Variants in KRT33A observed in about 807,000 individuals in gnomAD.
The protein encoded by KRT33A is keratin, type I cuticular Ha3-I.
Under a neutral mutation model 41.1 loss-of-function variants are expected in KRT33A, and 44 were observed. The observed-to-expected ratio is 1.07, with a 90% CI of 0.84 to 1.38. The LOEUF is 1.38. Among genes scored for constraint, KRT33A ranks in the 40% most tolerant of loss-of-function variants. KRT33A has a pLI of 0.00. For missense variants in KRT33A, 536 were observed against 518.5 expected, an observed-to-expected ratio of 1.03 and a Z score of -0.33; for synonymous variants, 229 against 227.8, an observed-to-expected ratio of 1.01 and a Z score of -0.05.
Position 41,350,556 on chromosome 17 carries a change from A to T in KRT33A, c.212T>A (p.Leu71Gln). 1 of 1,613,972 alleles carries T rather than the reference A, an allele frequency of 6.2e-7. No homozygotes were observed. The highest frequency in any genetic ancestry group is 1.1e-5 in the South Asian group (1 of 91,068). The change falls in exon 1 of 7, where the codon CTG becomes CAG. Residue 71 changes from leucine (L) to glutamine (Q), a missense_variant. Leu to Gln is a moderately radical substitution (Grantham distance 113). Coordinates refer to ENST00000007735, the MANE Select transcript of KRT33A (RefSeq NM_004138.4). ...QFLNDRLASY[L>Q]EKVRQLERDN... ...CCGCTCCAGCTGACGCACCTTCTCC[A>T]GGTAGCTGGCCAGGCGGTCGTTCAG...
At chr17:41,347,457 T>G (rs546684440) in intron 3 of KRT33A, among the ~76,000 whole-genome samples, 1 of 152,354 alleles carries the variant, frequency 6.6e-6, no homozygotes, top group East Asian at 1.9e-4. Context: ...ACTCCTCATT[T>G]AGAGAGATTC....
Position 41,348,635 on chromosome 17 carries a change from C to T in KRT33A, c.436G>A (p.Glu146Lys). The T allele has an allele frequency of 6.2e-7, 1 of 1,614,108 alleles. No homozygotes were observed. Among genetic ancestry groups the T allele is most frequent in the Non-Finnish European group, 8.5e-7 (1 of 1,179,998 alleles). ...AGCTGCCGCAGGGACAGCTCGGTCT[C>T]ATATCTGTGATCACAGGAGGGTCAG... ...LASDDFRTKYETELSLRQLVE... is the reference protein window; with the variant it reads ...LASDDFRTKYKTELSLRQLVE... Residue 146 changes from glutamate to lysine, a missense_variant, in exon 3 of 7, where the codon GAG (glutamate) becomes AAG (lysine). Coordinates refer to ENST00000007735, the MANE Select transcript of KRT33A (RefSeq NM_004138.4).
chr17:41,348,969 T>A (rs1040447784), intron 2 of KRT33A, among the ~76,000 whole-genome samples: 1 of 151,684 alleles, frequency 6.6e-6, no homozygotes, highest in Admixed American at 6.6e-5. Flanking sequence ...GCCCTGTCTC[T>A]AAAAAAAAGA....
At chr17:41,347,333 C>A in intron 3 of KRT33A, 111 bp from the exon 4 acceptor site, 1 of 1,301,160 alleles carries the variant, frequency 7.7e-7, no homozygotes, top group East Asian at 2.5e-5. Flanking sequence ...ACTTTGTTCC[C>A]TCTGATCCTG....
chr17:41,347,207 G>C lies in KRT33A; in HGVS notation c.604C>G (p.Arg202Gly). ...QNHEQEVNTL[R>G]CQLGDRLNVE... The stretch of plus-strand genomic sequence containing the variant: ...TTGAGGCGGTCTCCAAGCTGGCAGC[G>C]CAGGGTGTTAACCTCCTGATGGAGA... The change falls in exon 4 of 7, where the codon CGC becomes GGC. Residue 202 changes from arginine to glycine, a missense_variant. Coordinates refer to ENST00000007735, the MANE Select transcript of KRT33A (RefSeq NM_004138.4). The C allele has an allele frequency of 6.2e-7, 1 of 1,611,988 alleles. No individual in the cohort carries two copies.
intron 1 of KRT33A, among the ~76,000 whole-genome samples, chr17:41,350,137 G>T (rs973699354): frequency 6.6e-6 from 1 of 152,152 alleles, no homozygotes; most frequent in African/African-American, 2.4e-5. Flanking sequence ...TCACCTCAGG[G>T]TAATAATTCT....
Position 41,347,152 on chromosome 17 carries a change from T to C in KRT33A, c.659A>G (p.Asp220Gly), listed in dbSNP as rs200913255. The change falls in exon 4 of 7, where the codon GAC becomes GGC. Residue 220 changes from aspartate (D) to glycine (G), a missense_variant. Physicochemically the swap from Asp to Gly is moderately conservative, Grantham distance 94 (BLOSUM62 -1). Coordinates refer to ENST00000007735, the MANE Select transcript of KRT33A (RefSeq NM_004138.4). ...GGTCTCATTCAGGACCTGGTTCAGGTCCACAGTGGGAGCAGCGTCCACCTC... is the reference window on the plus strand; with the variant it reads ...GGTCTCATTCAGGACCTGGTTCAGGCCCACAGTGGGAGCAGCGTCCACCTC... ...NVEVDAAPTV[D>G]LNQVLNETRS... is the part of the protein sequence containing the mutation. The C allele has an allele frequency of 3.3e-5, 53 of 1,614,076 alleles. No homozygotes were observed. Among genetic ancestry groups the C allele is most frequent in the Non-Finnish European group, 3.4e-5 (40 of 1,180,026 alleles).
At chr17:41,349,503 C>T (rs1330456908) in intron 1 of KRT33A, 75 bp from the exon 2 acceptor site, 6 of 1,464,506 alleles carry the variant, frequency 4.1e-6, no homozygotes, top group South Asian at 1.2e-5. Context: ...TCCTAATTCA[C>T]TTCCTTGGAA....
chr17:41,350,044 C>T (rs1020684301), intron 1 of KRT33A, among the ~76,000 whole-genome samples: 12 of 152,158 alleles, frequency 7.9e-5, no homozygotes, highest in Admixed American at 6.5e-4. Context: ...GGGCAAAAAG[C>T]TCAGATGAGG....
In KRT33A at chr17:41,346,843, C is replaced by A; in HGVS notation, c.876+1G>T. 1.2e-6 allele frequency: 2 copies of A among 1,612,620 alleles called. No homozygotes were observed. The highest frequency in any genetic ancestry group is 1.7e-6 in the Non-Finnish European group (2 of 1,180,004). ...CACCAGCAGGTCTGAACAATACACA[C>A]CAGGTTGTGCTGGGCCTGCAGCTCG... On this transcript the variant is annotated splice_donor_variant, in intron 5 of 6. Transcript: ENST00000007735. LOFTEE classifies it high-confidence loss of function.
chr17:41,350,282 TG>T, intron 1 of KRT33A, 137 bp downstream of exon 1: 1 of 931,390 alleles, frequency 1.1e-6, no homozygotes, highest in Non-Finnish European at 1.6e-6. Flanking sequence ...TAGTATTAGA[TG>T]GGCCCTCAAA....
chr17:41,349,200 G>T, intron 2 of KRT33A, 146 bp downstream of exon 2: 3 of 731,540 alleles, frequency 4.1e-6, no homozygotes, highest in South Asian at 1.8e-5. Flanking sequence ...CTGAGCTACG[G>T]TGTGTGGTGG....
chr17:41,346,594 C>T lies in KRT33A; in HGVS notation c.951G>A (p.Leu317=). Residue 317 remains leucine, a synonymous_variant, in exon 6 of 7, where the codon CTG becomes CTA. Transcript: ENST00000007735. The part of the protein sequence containing the change: ...YSSQLSQVQR[L]ITNVESQLAE... The stretch of plus-strand genomic sequence containing the variant: ...CCAGCTGGGACTCCACGTTGGTGAT[C>T]AGTCTCTGCACCTGGGACAGCTGGG... 6.2e-7 allele frequency: 1 copy of T among 1,614,246 alleles called. No individual in the cohort carries two copies. The highest frequency in any genetic ancestry group is 8.5e-7 in the Non-Finnish European group (1 of 1,180,050).
At chr17:41,350,219 A>G (rs2017485322) in intron 1 of KRT33A, among the ~76,000 whole-genome samples, 1 of 152,180 alleles carries the variant, frequency 6.6e-6, no homozygotes, top group Non-Finnish European at 1.5e-5. Context: ...AAGTGCTGCT[A>G]CCTCCACATA....
chr17:41,348,527 A>C lies in KRT33A; in HGVS notation c.544T>G (p.Ser182Ala). The part of the protein sequence containing the change: ...CRSDLEAQVE[S>A]LKEELLCLKQ... Reference sequence around the variant, plus strand: ...AGGCACAGCAGCTCCTCCTTCAGGGACTCCACCTGGGCCTCCAGGTCAGAC... The same window carrying C: ...AGGCACAGCAGCTCCTCCTTCAGGGCCTCCACCTGGGCCTCCAGGTCAGAC... The change falls in exon 3 of 7, where the codon TCC becomes GCC. Residue 182 changes from serine to alanine, a missense_variant. Coordinates refer to ENST00000007735, the MANE Select transcript of KRT33A (RefSeq NM_004138.4). 6.2e-7 allele frequency: 1 copy of C among 1,613,312 alleles called. No individual in the cohort carries two copies. Among genetic ancestry groups the C allele is most frequent in the Middle Eastern group, 1.7e-4 (1 of 6,060 alleles).
rs199890445 is a variant in KRT33A at position 41,346,900 on chromosome 17, C to G, written c.820G>C (p.Glu274Gln). ...AGGGCATTGACCGTGCGTCTCAGCTCGATGATCTCCGCCTGGTAGGACTGC... is the reference window on the plus strand; with the variant it reads ...AGGGCATTGACCGTGCGTCTCAGCTGGATGATCTCCGCCTGGTAGGACTGC... The part of the protein sequence containing the change: ...QLQSYQAEII[E>Q]LRRTVNALEI... Residue 274 changes from glutamate (E) to glutamine (Q), a missense_variant, in exon 5 of 7, where the codon GAG becomes CAG. Coordinates refer to ENST00000007735, the MANE Select transcript of KRT33A (RefSeq NM_004138.4). 2,239 of 1,613,220 alleles carry G rather than the reference C, an allele frequency of 1.4e-3. 32 individuals carry two copies. In the South Asian group the frequency reaches 0.024, roughly 17 times the overall value.
At chr17:41,348,435 G>T in intron 3 of KRT33A, 48 bp downstream of exon 3, 4 of 1,607,976 alleles carry the variant, frequency 2.5e-6, no homozygotes, top group Non-Finnish European at 3.4e-6. Context: ...TGGCAGTTGT[G>T]AAACAGGTCC....
At position 41,346,887 on chromosome 17, in the gene KRT33A, G is replaced by A. The variant is rs772434440; in HGVS notation, c.833C>T (p.Thr278Met). Residue 278 changes from threonine (T) to methionine (M), a missense_variant, in exon 5 of 7, where the codon ACG becomes ATG. Coordinates refer to ENST00000007735, the MANE Select transcript of KRT33A (RefSeq NM_004138.4). ...CAGCTCGATCTCCAGGGCATTGACC[G>A]TGCGTCTCAGCTCGATGATCTCCGC... ...YQAEIIELRR[T>M]VNALEIELQA... 2.5e-5 allele frequency: 40 copies of A among 1,613,054 alleles called. No homozygotes were observed. The South Asian group carries it at 2.6e-4, about 11-fold the overall frequency.
At position 41,350,524 on chromosome 17, in the gene KRT33A, C is replaced by T. The variant is rs1464598221; in HGVS notation, c.244G>A (p.Ala82Thr). 1.9e-6 allele frequency: 3 copies of T among 1,614,126 alleles called. No homozygotes were observed. Among genetic ancestry groups the T allele is most frequent in the South Asian group, 2.2e-5 (2 of 91,076 alleles). The change falls in exon 1 of 7, where the codon GCG becomes ACG. Residue 82 changes from alanine to threonine, a missense_variant. Transcript: ENST00000007735. ...EKVRQLERDN[A>T]ELENLIRERS... ...TCCCGGATGAGGTTCTCCAGCTCCG[C>T]GTTGTCCCGCTCCAGCTGACGCACC...
Sources: gnomAD v4.1 joint callset for allele counts (sites outside exome capture counted in the v4.1 genomes callset) on GRCh38, gnomAD v4.1.1 for gene constraint, MANE v1.5 for transcripts, NCBI Gene and HGNC (gene_info 2026-07-23, HGNC 2026-07-21) for gene names.